Variants in ESRRG observed in about 807,000 individuals in gnomAD.
ESRRG encodes the protein estrogen related receptor gamma.
In ESRRG, 13 loss-of-function variants were observed where a neutral mutation model predicts 44.0. That is an observed-to-expected ratio of 0.30 (90% CI 0.19 to 0.47). The LOEUF (loss-of-function observed/expected upper bound fraction) is 0.47, where lower values mean the gene tolerates loss of function less well. ESRRG is among the 20% of genes least tolerant of loss of function. The probability of loss-of-function intolerance (pLI) is 1.00; values close to 1 mark genes in which losing one functional copy is unlikely to be tolerated. For synonymous variants in ESRRG, 215 were observed against 214.6 expected (o/e 1.00, Z -0.02); for missense variants, 395 against 580.6 (o/e 0.68, Z 3.29).
At chr1:217,060,406 C>A (rs570241854) in intron 1 of ESRRG, among the ~76,000 whole-genome samples, 3 of 152,194 alleles carry the variant, frequency 2.0e-5, no homozygotes, top group African/African-American at 7.2e-5. Flanking sequence ...AATGTAGACT[C>A]TCTTAAAAGA....
intron 1 of ESRRG, among the ~76,000 whole-genome samples, chr1:217,079,172 G>A (rs910290833): frequency 6.6e-6 from 1 of 152,172 alleles, no homozygotes; most frequent in African/African-American, 2.4e-5. Flanking sequence ...AGGTAAGGGC[G>A]GCTGCTAGTG....
At chr1:216,523,210 G>A (rs1341428329) in intron 5 of ESRRG, among the ~76,000 whole-genome samples, 1 of 152,142 alleles carries the variant, frequency 6.6e-6, no homozygotes, top group Non-Finnish European at 1.5e-5. Context: ...CTGTCCCAGA[G>A]TCAGTGCCAT....
intron 1 of ESRRG, 57 bp downstream of exon 1, chr1:216,723,187 G>GCCCCCCCCC: frequency 7.1e-7 from 1 of 1,412,866 alleles, no homozygotes; most frequent in African/African-American, 1.4e-5. Flanking sequence ...TAGTCTGTCC[G>GCCCCCCCCC]CCCCCACCCC....
intron 3 of ESRRG, among the ~76,000 whole-genome samples, chr1:216,644,729 G>A (rs1225219333): frequency 4.6e-5 from 7 of 152,106 alleles, no homozygotes; most frequent in Middle Eastern, 3.4e-3. Flanking sequence ...GAGCCACTGC[G>A]CCTGGCTGAA....
rs1284118813 is a variant in ESRRG, at chr1:216,821,699, AAT to A, written c.-14+117881_-14+117882del. On this transcript the variant is annotated intron_variant, in intron 2 of 7. Coordinates refer to the ESRRG transcript ENST00000359162. ...GAACCTGCCTCAGGAAAAATAAATA[AAT>A]AAATAAATAAATAAATAAATAAATA... is the stretch of plus-strand genomic sequence containing the variant. Among the ~76,000 whole-genome samples, 373 of 126,012 alleles carry A rather than the reference AAT, an allele frequency of 3.0e-3. 33 individuals are homozygous for A. Among genetic ancestry groups the A allele is most frequent in the African/African-American group, 9.9e-3 (322 of 32,460 alleles). The allele number at this position is 126,012 out of a possible 152,430, so 82.7% of individuals were successfully genotyped here. A position where few individuals can be genotyped will look rare whatever the true frequency, so the allele number is the denominator to read the frequency against.
chr1:216,873,734 T>C (rs959053504), intron 2 of ESRRG, among the ~76,000 whole-genome samples: 1 of 151,162 alleles, frequency 6.6e-6, no homozygotes, highest in Non-Finnish European at 1.5e-5. Flanking sequence ...TCCACCCTCT[T>C]GGGACCACAG....
chr1:216,742,194 A>G (rs373323843), intron 2 of ESRRG, among the ~76,000 whole-genome samples: 2 of 152,274 alleles, frequency 1.3e-5, no homozygotes, highest in South Asian at 2.1e-4. Flanking sequence ...TTTTTGCCTC[A>G]GCTATTCCCA....
intron 2 of ESRRG, among the ~76,000 whole-genome samples, chr1:216,664,145 T>C (rs2073266544): frequency 6.6e-6 from 1 of 152,126 alleles, no homozygotes; most frequent in Non-Finnish European, 1.5e-5. Context: ...TAAAATTCTC[T>C]CAAGAAAAAT....
chr1:216,716,116 C>T (rs1333307604), intron 1 of ESRRG, among the ~76,000 whole-genome samples: 3 of 151,992 alleles, frequency 2.0e-5, no homozygotes, highest in East Asian at 3.9e-4. Context: ...GTGGATTGTC[C>T]GTGTTCCTTT....
chr1:216,921,119 A>G (rs1272252090), intron 2 of ESRRG, among the ~76,000 whole-genome samples: 2 of 152,236 alleles, frequency 1.3e-5, no homozygotes, highest in Admixed American at 6.5e-5. Flanking sequence ...AGATATTCAA[A>G]GAGTATATCA....
At chr1:216,687,241 A>G (rs542745374) in intron 1 of ESRRG, among the ~76,000 whole-genome samples, 20 of 152,198 alleles carry the variant, frequency 1.3e-4, no homozygotes, top group Non-Finnish European at 2.1e-4. Flanking sequence ...GTTTTTTCCT[A>G]GAAATGGTTC....
At chr1:216,976,581 A>G (rs1209900554) in intron 1 of ESRRG, among the ~76,000 whole-genome samples, 1 of 152,154 alleles carries the variant, frequency 6.6e-6, no homozygotes, top group Non-Finnish European at 1.5e-5. Context: ...ATATCCTTCA[A>G]TGCTAAACAC....
At chr1:216,909,332 T>C (rs1335387322) in intron 2 of ESRRG, among the ~76,000 whole-genome samples, 2 of 152,072 alleles carry the variant, frequency 1.3e-5, no homozygotes, top group Non-Finnish European at 2.9e-5. Context: ...TCTATGAAAG[T>C]AAGAGCACAG....
At chr1:216,564,786 A>G (rs2059391866) in intron 4 of ESRRG, among the ~76,000 whole-genome samples, 1 of 152,186 alleles carries the variant, frequency 6.6e-6, no homozygotes, top group Non-Finnish European at 1.5e-5. Context: ...CTATTGAAAT[A>G]TAGATCATAA....
intron 3 of ESRRG, among the ~76,000 whole-genome samples, chr1:216,601,178 T>C (rs1468375529): frequency 6.6e-6 from 1 of 151,950 alleles, no homozygotes; most frequent in Non-Finnish European, 1.5e-5. Context: ...GGGCGGGCGC[T>C]CGGCCAGGGG....
chr1:216,981,934 G>A (rs78102218), intron 1 of ESRRG, among the ~76,000 whole-genome samples: 4,013 of 152,262 alleles, frequency 0.026, 172 homozygotes, highest in African/African-American at 0.091. Flanking sequence ...AGCGATTAGC[G>A]GGGCTGTGTC....
rs201260010 is a variant in ESRRG at position 216,939,343 on chromosome 1, C to CAAAAAAAAAAAAAAAAAAAAAAA, written c.-14+216_-14+238dup. On this transcript the variant is annotated intron_variant, in intron 2 of 7. Coordinates refer to the ESRRG transcript ENST00000359162. Reference sequence around the variant, plus strand: ...TCTTCCAGAATATCCTACACATAGACAAAAAAAAAAAAAAAAAAAAAAAAA... The same window carrying CAAAAAAAAAAAAAAAAAAAAAAA: ...TCTTCCAGAATATCCTACACATAGACAAAAAAAAAAAAAAAAAAAAAAAAAAAAAAAAAAAAAAAAAAAAAAAA... Among the ~76,000 whole-genome samples, 36 of 50,070 alleles carry CAAAAAAAAAAAAAAAAAAAAAAA rather than the reference C, an allele frequency of 7.2e-4. 3 individuals are homozygous for CAAAAAAAAAAAAAAAAAAAAAAA. The highest frequency in any genetic ancestry group is 1.4e-3 in the South Asian group (1 of 724). The allele number at this position is 50,070 out of a possible 152,430, so 32.8% of individuals were successfully genotyped here.
At chr1:216,779,233 ATAAATATATAT>A (rs1481499515) in intron 2 of ESRRG, among the ~76,000 whole-genome samples, 2,950 of 74,428 alleles carry the variant, frequency 0.04, 358 homozygotes, top group African/African-American at 0.082. Flanking sequence ...ATTTATAAAT[ATAAATATATAT>A]TTATATTTAT....
At chr1:217,130,655 A>C (rs925372300) in intron 1 of ESRRG, among the ~76,000 whole-genome samples, 3 of 152,216 alleles carry the variant, frequency 2.0e-5, no homozygotes, top group African/African-American at 4.8e-5. Context: ...CTTCTAAATT[A>C]CATTAAAATG....
Sources: gnomAD v4.1 joint callset for allele counts (sites outside exome capture counted in the v4.1 genomes callset) on GRCh38, gnomAD v4.1.1 for gene constraint, MANE v1.5 for transcripts, NCBI Gene and HGNC (gene_info 2026-07-23, HGNC 2026-07-21) for gene names.